The following THSD7A variants were observed in gnomAD, a reference collection of about 807,000 sequenced individuals.
THSD7A encodes thrombospondin type-1 domain-containing protein 7A.
In THSD7A, 96 loss-of-function variants were observed where a neutral mutation model predicts 231.3. The observed-to-expected ratio is 0.41, with a 90% CI of 0.35 to 0.49. THSD7A has a LOEUF of 0.49. Among genes scored for constraint, THSD7A ranks in the 20% least tolerant of loss-of-function variants. The pLI is 0.05. For missense variants in THSD7A, 2,290 were observed against 2,070.2 expected (o/e 1.11, Z -2.06); for synonymous variants, 940 against 743.3 (o/e 1.26, Z -4.30).
rs376353523 is a variant in THSD7A, at chr7:11,636,171, C to T, written c.981G>A (p.Glu327=). 3.1e-6 allele frequency: 5 copies of T among 1,613,802 alleles called. No homozygotes were observed. The highest frequency in any genetic ancestry group is 2.2e-5 in the East Asian group (1 of 44,882). ...WDIQIGYQTR[E]VMCINKTGKA... is the part of the protein sequence containing the mutation. ...TCCCCGTCTTGTTAATGCACATAAC[C>T]TCTCTGGTCTGATATCCAATCTGGA... Residue 327 remains glutamate (E), a synonymous_variant, in exon 2 of 28, where the codon GAG becomes GAA. Transcript: ENST00000423059. The surrounding 1 kb of genome is among the most constrained non-coding windows in gnomAD (Gnocchi z 10.0).
intron 6 of THSD7A, chr7:11,520,242 A>G (rs568346145): frequency 1.8e-4 from 27 of 152,296 alleles, no homozygotes; most frequent in African/African-American, 6.3e-4. Flanking sequence ...CAAGCTGCAC[A>G]ATCTAAGTTT....
chr7:11,584,137 G>A (rs1194035358), intron 4 of THSD7A, among the ~76,000 whole-genome samples: 3 of 152,114 alleles, frequency 2.0e-5, no homozygotes, highest in South Asian at 2.1e-4. Context: ...CACTTTTCCT[G>A]TACCATCCCC....
Position 11,462,115 on chromosome 7 carries a change from C to T in THSD7A, c.2397G>A (p.Arg799=), listed in dbSNP as rs756465808. ...CTGGCAGCTGAATGATGACCCGATG[C>T]CTAGACTGCTTCCTGATACTGGAGT... ...EGDSSIRKQS[R]HRVIIQLPAN... is the part of the protein sequence containing the mutation. The change falls in exon 10 of 28, where the codon AGG becomes AGA. Residue 799 remains arginine (R), a synonymous_variant. Transcript: ENST00000423059. 6.2e-7 allele frequency: 1 copy of T among 1,613,622 alleles called. No individual in the cohort carries two copies. The highest frequency in any genetic ancestry group is 8.5e-7 in the Non-Finnish European group (1 of 1,179,748).
chr7:11,496,214 A>G (rs1343155998), intron 6 of THSD7A, among the ~76,000 whole-genome samples: 1 of 152,186 alleles, frequency 6.6e-6, no homozygotes, highest in African/African-American at 2.4e-5. Flanking sequence ...CAACAACTCT[A>G]TGAAGTAGAC....
intron 1 of THSD7A, among the ~76,000 whole-genome samples, chr7:11,648,952 T>C (rs1171107143): frequency 5.3e-5 from 8 of 152,054 alleles, no homozygotes; most frequent in African/African-American, 2.4e-5. Flanking sequence ...CTGTGGTATG[T>C]AGCCAGTCTC....
At chr7:11,799,625 T>C (rs1430508114) in intron 1 of THSD7A, among the ~76,000 whole-genome samples, 1 of 152,194 alleles carries the variant, frequency 6.6e-6, no homozygotes, top group Non-Finnish European at 1.5e-5. Flanking sequence ...CATTCCTCAG[T>C]GTCATCCTAA....
intron 1 of THSD7A, among the ~76,000 whole-genome samples, chr7:11,755,600 T>A (rs902996335): frequency 6.6e-6 from 1 of 151,964 alleles, no homozygotes; most frequent in Non-Finnish European, 1.5e-5. Flanking sequence ...GCAGCACAGG[T>A]CGAGGAAGTC....
At chr7:11,503,098 T>A (rs942306611) in intron 6 of THSD7A, among the ~76,000 whole-genome samples, 1 of 152,180 alleles carries the variant, frequency 6.6e-6, no homozygotes, top group African/African-American at 2.4e-5. Flanking sequence ...AGCATGGTAC[T>A]GATTCCAAAA....
chr7:11,427,308 T>G (rs894354400), intron 14 of THSD7A, among the ~76,000 whole-genome samples: 2 of 152,242 alleles, frequency 1.3e-5, no homozygotes, highest in African/African-American at 4.8e-5. Context: ...TCTATTTTTA[T>G]GCAGAACATT....
chr7:11,800,275 G>A (rs1019702713), intron 1 of THSD7A, among the ~76,000 whole-genome samples: 8 of 152,144 alleles, frequency 5.3e-5, no homozygotes, highest in Admixed American at 6.5e-5. Context: ...TGAGCCAGGC[G>A]CGGTGGCTCA....
Position 11,666,737 on chromosome 7 carries a change from T to G in THSD7A, c.191-29776A>C, listed in dbSNP as rs906411137. On this transcript the variant is annotated intron_variant, in intron 1 of 27. Transcript: ENST00000423059. Reference sequence around the variant, plus strand: ...AGTATAAATTTTATTTAAAATATATTTATACATGTTATAAAACATATCTAA... The same window carrying G: ...AGTATAAATTTTATTTAAAATATATGTATACATGTTATAAAACATATCTAA... 8.1e-4 allele frequency among the ~76,000 whole-genome samples: 122 copies of G among 151,048 alleles called. 2 individuals carry two copies. The highest frequency in any genetic ancestry group is 2.7e-3 in the African/African-American group (112 of 41,400).
At chr7:11,825,709 G>A (rs1785005171) in intron 1 of THSD7A, among the ~76,000 whole-genome samples, 1 of 152,098 alleles carries the variant, frequency 6.6e-6, no homozygotes. Context: ...CCATATTGGA[G>A]ATGAAAGAAA....
At chr7:11,755,955 G>T (rs545326863) in intron 1 of THSD7A, among the ~76,000 whole-genome samples, 126 of 152,136 alleles carry the variant, frequency 8.3e-4, no homozygotes, top group African/African-American at 3.0e-3. Context: ...GTTCTGAAAA[G>T]ATTGCCACTT....
At chr7:11,549,879 A>G (rs1326586676) in intron 4 of THSD7A, among the ~76,000 whole-genome samples, 2 of 152,082 alleles carry the variant, frequency 1.3e-5, no homozygotes, top group African/African-American at 4.8e-5. Flanking sequence ...ACATTTGCCT[A>G]TGTAATGAAC....
At chr7:11,620,848 G>A (rs1191634131) in intron 2 of THSD7A, among the ~76,000 whole-genome samples, 3 of 152,110 alleles carry the variant, frequency 2.0e-5, no homozygotes, top group East Asian at 3.9e-4. Context: ...CTCAGTAAAT[G>A]TCCCCGATAG....
rs1219240880 is a variant in THSD7A at position 11,370,717 on chromosome 7, A to T, written c.*5077T>A. ...CTGCCTCCTTATTTAAACAAAATAA[A>T]TATTCAGGTAGTTAAATTAACATAA... On this transcript the variant is annotated 3_prime_UTR_variant, in exon 28 of 28. Transcript: ENST00000423059. 2 of 152,200 alleles carry T rather than the reference A, an allele frequency of 1.3e-5. No individual in the cohort carries two copies. Among genetic ancestry groups the T allele is most frequent in the East Asian group, 3.8e-4 (2 of 5,202 alleles). The allele number at this position is 152,200 out of a possible 1,614,324, so 9.4% of individuals were successfully genotyped here.
intron 8 of THSD7A, among the ~76,000 whole-genome samples, chr7:11,470,553 A>C (rs1288495760): frequency 6.6e-6 from 1 of 151,762 alleles, no homozygotes; most frequent in Non-Finnish European, 1.5e-5. Context: ...AGATAATAAA[A>C]CTGTATAAAT....
Position 11,373,786 on chromosome 7 carries a change from C to G in THSD7A, c.*2008G>C, listed in dbSNP as rs1259892806. ...TAAAAATACCTTCTAATCCAAAACA[C>G]TTTTACAGGAACACAGCTGTTTAAG... On this transcript the variant is annotated 3_prime_UTR_variant, in exon 28 of 28. Transcript: ENST00000423059. The G allele has an allele frequency of 6.6e-6, 1 of 152,012 alleles. No individual in the cohort carries two copies. The highest frequency in any genetic ancestry group is 1.5e-5 in the Non-Finnish European group (1 of 67,992). The allele number at this position is 152,012 out of a possible 1,614,324, so 9.4% of individuals were successfully genotyped here.
chr7:11,621,326 T>G (rs1426194132), intron 2 of THSD7A, among the ~76,000 whole-genome samples: 2 of 152,158 alleles, frequency 1.3e-5, no homozygotes, highest in African/African-American at 4.8e-5. Flanking sequence ...TCACGACATA[T>G]CATCAGTTTA....
Sources: allele counts gnomAD v4.1 joint callset (sites outside exome capture counted in the v4.1 genomes callset), GRCh38; gene constraint gnomAD v4.1.1; non-coding constraint Gnocchi (gnomAD v3.1); transcripts MANE v1.5; gene names NCBI Gene and HGNC (gene_info 2026-07-23, HGNC 2026-07-21).